Variants in TTC28 observed in about 807,000 individuals in gnomAD.
TTC28 encodes tetratricopeptide repeat domain 28.
A neutral mutation model predicts 198.0 loss-of-function variants in TTC28; 61 were observed. The ratio of observed to expected loss-of-function variants is 0.31; its 90% CI spans 0.25 to 0.38. The LOEUF is 0.38. TTC28 is among the 10% of genes least tolerant of loss of function. The pLI, the probability that TTC28 is intolerant of heterozygous loss-of-function variation, is 1.00. For synonymous variants in TTC28, 1,171 were observed against 1,297.8 expected, an observed-to-expected ratio of 0.90 and a Z score of 2.10; for missense variants, 2,678 against 3,164.0, an observed-to-expected ratio of 0.85 and a Z score of 3.69.
chr22:28,001,642 GAC>G, intron 14 of TTC28, 89 bp from the exon 15 acceptor site: 1 of 1,439,340 alleles, frequency 6.9e-7, no homozygotes, highest in Non-Finnish European at 9.3e-7. Context: ...TAGCCTGGAT[GAC>G]ACAAGCACGA....
chr22:28,450,861 TTAAGA>T (rs1404294947), intron 2 of TTC28, among the ~76,000 whole-genome samples: 2 of 152,188 alleles, frequency 1.3e-5, no homozygotes, highest in Non-Finnish European at 2.9e-5. Flanking sequence ...ACTATGAACC[TTAAGA>T]TAAGCAAAAC....
intron 2 of TTC28, among the ~76,000 whole-genome samples, chr22:28,485,742 T>A (rs1226965121): frequency 1.3e-5 from 2 of 152,104 alleles, no homozygotes; most frequent in Non-Finnish European, 2.9e-5. Flanking sequence ...AAATGAGAAG[T>A]CCACACTGTG....
chr22:28,140,910 G>A (rs896345182), intron 6 of TTC28, among the ~76,000 whole-genome samples: 2 of 150,874 alleles, frequency 1.3e-5, no homozygotes, highest in Non-Finnish European at 3.0e-5. Context: ...ATATAAAGCT[G>A]TAGTAACCTT....
At chr22:28,356,628 C>G (rs2046081000) in intron 2 of TTC28, among the ~76,000 whole-genome samples, 2 of 152,184 alleles carry the variant, frequency 1.3e-5, no homozygotes, top group Non-Finnish European at 1.5e-5. Flanking sequence ...CAGGATACCA[C>G]CCATGACTTT....
intron 2 of TTC28, among the ~76,000 whole-genome samples, chr22:28,573,440 G>A (rs951698776): frequency 2.0e-5 from 3 of 151,646 alleles, no homozygotes; most frequent in Non-Finnish European, 4.4e-5. Context: ...GCGACAGAGC[G>A]AGATTCTGTC....
At chr22:28,591,032 CACACACACATATAT>C (rs1469736589) in intron 2 of TTC28, among the ~76,000 whole-genome samples, 832 of 62,254 alleles carry the variant, frequency 0.013, 3 homozygotes, top group East Asian at 0.033. Flanking sequence ...CACACACACA[CACACACACATATAT>C]ATATATATAT....
intron 5 of TTC28, among the ~76,000 whole-genome samples, chr22:28,202,093 T>C (rs1004015869): frequency 3.9e-5 from 6 of 152,100 alleles, no homozygotes; most frequent in Non-Finnish European, 8.8e-5. Flanking sequence ...TTTAGTAACT[T>C]GTTCTCAGTC....
In TTC28 at chr22:27,983,830, C is replaced by A. The variant is rs1418575698; in HGVS notation, c.5837G>T (p.Arg1946Leu). ...GGAGGAGGAGCTGTCAAGGCTGAGG[C>A]GCTTGGGTAGCTCAGTAGAATCTAA... ...SLFDSTELPK[R>L]LSLDSSSSLE... Residue 1946 changes from arginine to leucine, a missense_variant, in exon 23 of 23, where the codon CGC becomes CTC. Physicochemically the swap from Arg to Leu is moderately radical, Grantham distance 102. Around this residue, in one of 8 missense-constraint regions of TTC28, gnomAD observed 314 missense variants for 442.7 expected, o/e 0.71. Transcript: ENST00000397906. 1 of 1,551,294 alleles carries A rather than the reference C, an allele frequency of 6.4e-7. No homozygotes were observed. The highest frequency in any genetic ancestry group is 8.7e-7 in the Non-Finnish European group (1 of 1,146,860).
intron 18 of TTC28, 36 bp downstream of exon 18, chr22:27,993,251 C>T: frequency 1.4e-6 from 2 of 1,462,032 alleles, no homozygotes; most frequent in South Asian, 1.4e-5. Flanking sequence ...TGCTGTCAGC[C>T]AGGCCTGTTG....
intron 14 of TTC28, among the ~76,000 whole-genome samples, chr22:28,011,964 G>T (rs1938182393): frequency 6.6e-6 from 1 of 152,208 alleles, no homozygotes; most frequent in Admixed American, 6.5e-5. Context: ...AATGCAAAAG[G>T]AGAAATGCAA....
intron 18 of TTC28, chr22:27,992,946 C>T (rs1937468506): frequency 1.8e-6 from 1 of 557,766 alleles, no homozygotes; most frequent in Admixed American, 3.4e-5. Flanking sequence ...CACCCAGCTT[C>T]ACCCTGGGGT....
rs569491813 is a variant in TTC28 at position 28,519,171 on chromosome 22, G to A, written c.381+110381C>T. Among the ~76,000 whole-genome samples the A allele has an allele frequency of 4.6e-5, 7 of 152,250 alleles. No individual in the cohort carries two copies. In the South Asian group the frequency reaches 1.5e-3, roughly 32 times the overall value. On this transcript the variant is annotated intron_variant, in intron 2 of 22. Transcript: ENST00000397906. ...CTAAGCGGAAGGTAACAAAGAAGAT[G>A]ACTGAAAATTTTTAACAATCAGATC...
At chr22:28,313,441 A>G (rs2045300312) in intron 2 of TTC28, among the ~76,000 whole-genome samples, 1 of 152,216 alleles carries the variant, frequency 6.6e-6, no homozygotes, top group Non-Finnish European at 1.5e-5. Flanking sequence ...ATCCCTGATG[A>G]ACATCGATGC....
At chr22:28,642,279 C>T (rs2051380563) in intron 1 of TTC28, among the ~76,000 whole-genome samples, 1 of 151,246 alleles carries the variant, frequency 6.6e-6, no homozygotes, top group African/African-American at 2.4e-5. Context: ...AAAAGTTAAA[C>T]TCCTAAAAGA....
At chr22:28,164,789 T>C (rs939958366) in intron 5 of TTC28, among the ~76,000 whole-genome samples, 8 of 152,116 alleles carry the variant, frequency 5.3e-5, no homozygotes, top group Non-Finnish European at 7.3e-5. Context: ...CAAAGCTGAA[T>C]GGAGAACGAC....
intron 5 of TTC28, among the ~76,000 whole-genome samples, chr22:28,208,872 G>A (rs1361964248): frequency 6.6e-6 from 1 of 152,060 alleles, no homozygotes; most frequent in Non-Finnish European, 1.5e-5. Context: ...AGATTTTAGG[G>A]TGAAGTTGCT....
intron 12 of TTC28, among the ~76,000 whole-genome samples, chr22:28,083,019 G>T (rs1283138692): frequency 2.0e-5 from 3 of 151,274 alleles, no homozygotes; most frequent in African/African-American, 7.3e-5. Context: ...CTATAAATCT[G>T]CAAGATTAAT....
chr22:28,422,016 G>T (rs564813415), intron 2 of TTC28, among the ~76,000 whole-genome samples: 1 of 151,750 alleles, frequency 6.6e-6, no homozygotes, highest in African/African-American at 2.4e-5. Flanking sequence ...GCTTCGAACA[G>T]ATTTGATGGG....
chr22:28,199,037 G>C (rs754130193), intron 5 of TTC28, among the ~76,000 whole-genome samples: 14 of 151,986 alleles, frequency 9.2e-5, no homozygotes, highest in Non-Finnish European at 1.5e-4. Context: ...AACAAAAAGA[G>C]TAGTTTAATA....
Sources: gnomAD v4.1 joint callset for allele counts (sites outside exome capture counted in the v4.1 genomes callset) on GRCh38, gnomAD v4.1.1 for gene constraint, gnomAD v4.1.1 regional missense constraint, MANE v1.5 for transcripts, NCBI Gene and HGNC (gene_info 2026-07-23, HGNC 2026-07-21) for gene names.